The following VRK2 variants were observed in gnomAD, a reference collection of about 807,000 sequenced individuals.
VRK2 encodes the protein VRK serine/threonine kinase 2.
In VRK2, 60 loss-of-function variants were observed where a neutral mutation model predicts 57.6. The observed-to-expected ratio is 1.04, with a 90% CI of 0.85 to 1.29. The LOEUF is 1.29. Among genes scored for constraint, VRK2 ranks in the 50% most tolerant of loss-of-function variants. The pLI is 0.00. For missense variants in VRK2, 705 were observed against 588.1 expected (o/e 1.20, Z -2.06); for synonymous variants, 231 against 199.2 (o/e 1.16, Z -1.35).
intron 1 of VRK2, among the ~76,000 whole-genome samples, chr2:57,974,247 G>A (rs1186420841): frequency 6.6e-6 from 1 of 151,880 alleles, no homozygotes; most frequent in African/African-American, 2.4e-5. Flanking sequence ...TAATCATAAA[G>A]AAATATTTTA....
In VRK2 at chr2:58,024,127, C is replaced by T. The variant is rs1031786935; in HGVS notation, c.-438-1538C>T. Among the ~76,000 whole-genome samples the T allele has an allele frequency of 3.9e-5, 6 of 152,150 alleles. No individual in the cohort carries two copies. In the East Asian group the frequency reaches 1.2e-3, roughly 29 times the overall value. ...CAGCCTCCCTCCCAAGTAGCTGGGA[C>T]TACAGGCGCCGGCCACCAAATCCTG... is the stretch of plus-strand genomic sequence containing the variant. On this transcript the variant is annotated intron_variant, in intron 1 of 15. Coordinates refer to the VRK2 transcript ENST00000417641.
chr2:58,107,940 G>A (rs540857551), intron 7 of VRK2, among the ~76,000 whole-genome samples: 7 of 152,050 alleles, frequency 4.6e-5, no homozygotes, highest in South Asian at 2.1e-4. Flanking sequence ...CAGGATTCTC[G>A]GTTGCGTGAG....
chr2:58,063,482 T>A (rs1677672261), intron 2 of VRK2, among the ~76,000 whole-genome samples: 1 of 152,054 alleles, frequency 6.6e-6, no homozygotes, highest in Non-Finnish European at 1.5e-5. Context: ...GTAACAGATT[T>A]TCTCATGTAC....
At chr2:58,116,161 G>A (rs1010189089) in intron 7 of VRK2, among the ~76,000 whole-genome samples, 11 of 152,258 alleles carry the variant, frequency 7.2e-5, no homozygotes, top group Admixed American at 4.6e-4. Flanking sequence ...TGTGGGATGG[G>A]ATATTGGCAT....
At chr2:58,138,719 A>C (rs1680898125) in intron 10 of VRK2, among the ~76,000 whole-genome samples, 1 of 152,224 alleles carries the variant, frequency 6.6e-6, no homozygotes, top group Non-Finnish European at 1.5e-5. Flanking sequence ...ATAAGCAACT[A>C]AGTGAGAAAG....
At chr2:57,940,560 T>C (rs969832407) in intron 1 of VRK2, among the ~76,000 whole-genome samples, 3 of 88,920 alleles carry the variant, frequency 3.4e-5, no homozygotes, top group Non-Finnish European at 6.9e-5. Flanking sequence ...TACAGTCTAT[T>C]TAGAAAGAGC....
intron 6 of VRK2, 152 bp downstream of exon 6, chr2:58,088,598 A>C (rs918400672): frequency 3.0e-6 from 2 of 670,424 alleles, no homozygotes; most frequent in Admixed American, 5.8e-5. Context: ...GGTGAAATTG[A>C]TAACAATGGG....
intron 1 of VRK2, among the ~76,000 whole-genome samples, chr2:57,979,366 C>A (rs1248676930): frequency 1.3e-5 from 2 of 151,122 alleles, no homozygotes; most frequent in East Asian, 1.9e-4. Context: ...TTCTGACTGG[C>A]ATGCGATGGT....
At chr2:58,144,836 T>C (rs536743372) in intron 11 of VRK2, among the ~76,000 whole-genome samples, 1 of 152,118 alleles carries the variant, frequency 6.6e-6, no homozygotes, top group Admixed American at 6.6e-5. Flanking sequence ...GCTGGGATCC[T>C]GGAGGAGGGT....
intron 1 of VRK2, among the ~76,000 whole-genome samples, chr2:57,983,098 C>T (rs911667123): frequency 6.6e-6 from 1 of 152,100 alleles, no homozygotes; most frequent in Admixed American, 6.6e-5. Context: ...CTTTTTTAGC[C>T]CACATTTGTG....
chr2:57,917,303 C>T (rs559329754), intron 1 of VRK2, among the ~76,000 whole-genome samples: 162 of 151,996 alleles, frequency 1.1e-3, no homozygotes, highest in African/African-American at 3.8e-3. Flanking sequence ...ACCTCCAGTT[C>T]TTCCTTTTCT....
At position 58,159,375 on chromosome 2, in the gene VRK2, T is replaced by C. The variant is rs878958320; in HGVS notation, c.1209T>C (p.Tyr403=). The C allele has an allele frequency of 3.7e-6, 6 of 1,610,310 alleles. No individual in the cohort carries two copies. Among genetic ancestry groups the C allele is most frequent in the African/African-American group, 2.7e-5 (2 of 74,654 alleles). ...AAAGCACAAGGAGAAGACAGAAATA[T>C]CAAGAGTCTCAAGAACCTTTGAATG... ...AQESTRRRQK[Y]QESQEPLNEV... The change falls in exon 13 of 13, where the codon TAT becomes TAC. Residue 403 remains tyrosine, a synonymous_variant. Coordinates refer to ENST00000340157, the MANE Select transcript of VRK2 (RefSeq NM_006296.7).
chr2:58,044,611 T>C (rs1674601433), upstream of VRK2, among the ~76,000 whole-genome samples: 2 of 152,106 alleles, frequency 1.3e-5, no homozygotes, highest in Admixed American at 1.3e-4. Context: ...CGAAATATTG[T>C]GGGTGAGCTG....
chr2:58,001,737 G>A (rs1395566355), intron 1 of VRK2, among the ~76,000 whole-genome samples: 4 of 152,016 alleles, frequency 2.6e-5, no homozygotes, highest in Non-Finnish European at 4.4e-5. Context: ...CAGGAGAATC[G>A]CTTGAACCTG....
At chr2:58,050,354 G>T (rs1675528814) in intron 2 of VRK2, among the ~76,000 whole-genome samples, 1 of 152,170 alleles carries the variant, frequency 6.6e-6, no homozygotes, top group African/African-American at 2.4e-5. Flanking sequence ...TGTGGCTGCT[G>T]TATAGAATAG....
chr2:58,076,667 C>G (rs773696830), intron 2 of VRK2, among the ~76,000 whole-genome samples: 2 of 150,338 alleles, frequency 1.3e-5, no homozygotes, highest in Non-Finnish European at 3.0e-5. Context: ...GTCATTTTTT[C>G]TAAGTTTTTA....
At chr2:58,098,222 C>T (rs547848045) in intron 7 of VRK2, among the ~76,000 whole-genome samples, 2 of 151,794 alleles carry the variant, frequency 1.3e-5, no homozygotes, top group Admixed American at 1.3e-4. Context: ...AGTGTTATGA[C>T]AAAAGAGTCA....
At chr2:57,977,354 G>A (rs1490271214) in intron 1 of VRK2, among the ~76,000 whole-genome samples, 1 of 152,114 alleles carries the variant, frequency 6.6e-6, no homozygotes, top group Non-Finnish European at 1.5e-5. Context: ...CCATAAGCAT[G>A]GAATATTGTT....
chr2:58,153,436 T>C (rs186981381), intron 12 of VRK2, among the ~76,000 whole-genome samples: 1 of 152,196 alleles, frequency 6.6e-6, no homozygotes, highest in Non-Finnish European at 1.5e-5. Flanking sequence ...GTGCTGAATA[T>C]TGTCAAATGC....
Sources: allele counts gnomAD v4.1 joint callset (sites outside exome capture counted in the v4.1 genomes callset), GRCh38; gene constraint gnomAD v4.1.1; transcripts MANE v1.5; gene names NCBI Gene and HGNC (gene_info 2026-07-23, HGNC 2026-07-21).